Variants in OR2C1 observed in about 807,000 individuals in gnomAD.
OR2C1 encodes the protein olfactory receptor family 2 subfamily C member 1, also known as olfactory receptor 2C1.
For missense variants in OR2C1, 468 were observed against 388.3 expected (o/e 1.21, Z -1.73); for synonymous variants, 209 against 167.3 (o/e 1.25, Z -1.92).
chr16:3,329,215 G>C, the OR2C1 span, among the ~76,000 whole-genome samples: 35 of 52,122 alleles, frequency 6.7e-4, no homozygotes, highest in East Asian at 0.025. Flanking sequence ...CACACACACA[G>C]CTTAGCTATG....
chr16:3,347,252 A>AAAG, the OR2C1 span, among the ~76,000 whole-genome samples: 1 of 145,882 alleles, frequency 6.9e-6, no homozygotes, highest in Non-Finnish European at 1.5e-5. Context: ...GTCTCAAAAA[A>AAAG]AAAAAAAAAA....
chr16:3,342,887 A>G, the OR2C1 span, among the ~76,000 whole-genome samples: 1 of 152,136 alleles, frequency 6.6e-6, no homozygotes, highest in Admixed American at 6.6e-5. Flanking sequence ...ACAAAAACGA[A>G]AACGAAAACA....
the OR2C1 span, among the ~76,000 whole-genome samples, chr16:3,348,841 G>T: frequency 3.3e-5 from 5 of 152,154 alleles, no homozygotes; most frequent in African/African-American, 7.2e-5. Context: ...CTCACAGGGT[G>T]CCCTGTGAGT....
chr16:3,335,971 A>G, the OR2C1 span, among the ~76,000 whole-genome samples: 1 of 152,190 alleles, frequency 6.6e-6, no homozygotes, highest in Non-Finnish European at 1.5e-5. Context: ...ACAAGTGGTA[A>G]AAGTGGATAT....
the OR2C1 span, among the ~76,000 whole-genome samples, chr16:3,347,117 C>T: frequency 3.3e-5 from 5 of 150,708 alleles, no homozygotes; most frequent in African/African-American, 9.7e-5. Flanking sequence ...CACAGTGGTG[C>T]GTGCCTGTAG....
chr16:3,340,172 G>A, the OR2C1 span, among the ~76,000 whole-genome samples: 7 of 151,996 alleles, frequency 4.6e-5, no homozygotes, highest in South Asian at 2.1e-4. Flanking sequence ...CCAGCTACTC[G>A]GGAGGCTGAG....
chr16:3,327,937 A>G, the OR2C1 span, among the ~76,000 whole-genome samples: 1 of 152,070 alleles, frequency 6.6e-6, no homozygotes, highest in Non-Finnish European at 1.5e-5. Context: ...AACCTGCTTG[A>G]TTTTATTTTG....
the OR2C1 span, among the ~76,000 whole-genome samples, chr16:3,331,776 C>T: frequency 1.0e-4 from 15 of 150,668 alleles, no homozygotes; most frequent in African/African-American, 3.4e-4. Context: ...CACATGCACA[C>T]GTATGTTTAT....
chr16:3,345,965 C>G, the OR2C1 span, among the ~76,000 whole-genome samples: 3 of 151,158 alleles, frequency 2.0e-5, no homozygotes, highest in Admixed American at 6.6e-5. Flanking sequence ...TCCCATGTAG[C>G]TGGGACTATA....
chr16:3,342,899 G>C, the OR2C1 span, among the ~76,000 whole-genome samples: 1 of 151,992 alleles, frequency 6.6e-6, no homozygotes, highest in South Asian at 2.1e-4. Flanking sequence ...ACGAAAACAT[G>C]AATGAACTAT....
the OR2C1 span, among the ~76,000 whole-genome samples, chr16:3,333,210 C>CTTTTT: frequency 3.9e-4 from 13 of 33,026 alleles, no homozygotes; most frequent in Non-Finnish European, 7.3e-4. Flanking sequence ...ATCTTTTGCC[C>CTTTTT]ATTTTTTTTT....
the OR2C1 span, among the ~76,000 whole-genome samples, chr16:3,347,461 A>G: frequency 6.7e-6 from 1 of 150,358 alleles, no homozygotes; most frequent in East Asian, 2.0e-4. Flanking sequence ...CAAACAACAC[A>G]CATACTTTTT....
the OR2C1 span, among the ~76,000 whole-genome samples, chr16:3,328,824 G>T: frequency 6.6e-6 from 1 of 152,114 alleles, no homozygotes; most frequent in East Asian, 1.9e-4. Context: ...GAAGTACTAT[G>T]CTCTGAGGGT....
At chr16:3,334,989 T>G in the OR2C1 span, among the ~76,000 whole-genome samples, 1 of 152,122 alleles carries the variant, frequency 6.6e-6, no homozygotes, top group East Asian at 1.9e-4. Context: ...TGGCTAATTT[T>G]TATATCTTTA....
chr16:3,337,315 C>A, the OR2C1 span, among the ~76,000 whole-genome samples: 1 of 151,804 alleles, frequency 6.6e-6, no homozygotes, highest in African/African-American at 2.4e-5. Context: ...CCACCATGCC[C>A]AGCTAATTTT....
chr16:3,358,069 C>T (rs1210903123), downstream of OR2C1, among the ~76,000 whole-genome samples: 1 of 151,932 alleles, frequency 6.6e-6, no homozygotes, highest in Non-Finnish European at 1.5e-5. Flanking sequence ...TTTACCCTCT[C>T]CCTTATGCCT....
the OR2C1 span, among the ~76,000 whole-genome samples, chr16:3,348,428 G>T: frequency 6.6e-6 from 1 of 152,120 alleles, no homozygotes; most frequent in East Asian, 1.9e-4. Context: ...CTAGCCATTT[G>T]CCCTTGGAGA....
the OR2C1 span, among the ~76,000 whole-genome samples, chr16:3,332,486 A>T: frequency 1.3e-5 from 2 of 152,040 alleles, no homozygotes; most frequent in African/African-American, 4.8e-5. Flanking sequence ...TATTTGTACC[A>T]ATTAATCAAC....
chr16:3,350,553 A>G, the OR2C1 span, among the ~76,000 whole-genome samples: 1 of 151,230 alleles, frequency 6.6e-6, no homozygotes, highest in South Asian at 2.1e-4. Flanking sequence ...CTGGGACTAC[A>G]GGCGCCTGCC....
Sources: allele counts gnomAD v4.1 joint callset (sites outside exome capture counted in the v4.1 genomes callset), GRCh38; gene constraint gnomAD v4.1.1; transcripts MANE v1.5; gene names NCBI Gene and HGNC (gene_info 2026-07-23, HGNC 2026-07-21).